NHSL3: variants seen among roughly 807,000 people sequenced by gnomAD.
The protein encoded by NHSL3 is NHS like 3.
At chr1:32,765,820 G>C in the NHSL3 span, 1 of 1,545,586 alleles carries the variant, frequency 6.5e-7, no homozygotes, top group South Asian at 1.2e-5. Flanking sequence ...GGCTGTTTAA[G>C]AAGAAGGGTG....
At chr1:32,771,643 G>T in the NHSL3 span, 2 of 1,612,666 alleles carry the variant, frequency 1.2e-6, no homozygotes, top group Non-Finnish European at 1.7e-6. Flanking sequence ...GTCCTCCTCA[G>T]CTACTGCTTT....
At chr1:32,747,871 C>A in the NHSL3 span, among the ~76,000 whole-genome samples, 1 of 151,934 alleles carries the variant, frequency 6.6e-6, no homozygotes, top group Non-Finnish European at 1.5e-5. Context: ...CTTTCGGGGG[C>A]CAAGGCGGGA....
the NHSL3 span, among the ~76,000 whole-genome samples, chr1:32,759,312 C>A: frequency 7.2e-5 from 11 of 152,206 alleles, no homozygotes; most frequent in East Asian, 1.9e-3. Context: ...CCAGCTCTTT[C>A]TTCTCCTTAC....
chr1:32,774,483 T>C, the NHSL3 span: 1 of 152,218 alleles, frequency 6.6e-6, no homozygotes, highest in Admixed American at 6.5e-5. Context: ...AAGAGGATAA[T>C]CAGTGAGCAC....
chr1:32,771,528 C>T, the NHSL3 span: 1 of 1,601,420 alleles, frequency 6.2e-7, no homozygotes, highest in Non-Finnish European at 8.5e-7. Context: ...AGGACCTGTC[C>T]ATGGCTGACT....
At chr1:32,743,128 G>A in the NHSL3 span, among the ~76,000 whole-genome samples, 107 of 152,300 alleles carry the variant, frequency 7.0e-4, no homozygotes, top group Middle Eastern at 3.4e-3. Context: ...GAGGGCTTGA[G>A]TCTTTGCAAG....
the NHSL3 span, chr1:32,742,309 G>C: frequency 1.0e-6 from 1 of 999,488 alleles, no homozygotes; most frequent in African/African-American, 1.7e-5. Context: ...GCTGGTGCTG[G>C]AAAGCGAAGA....
At chr1:32,763,373 C>T in the NHSL3 span, among the ~76,000 whole-genome samples, 22 of 152,088 alleles carry the variant, frequency 1.4e-4, 1 homozygote, top group Admixed American at 1.2e-3. Context: ...CCTCTGATTC[C>T]GTCTCCTACC....
At chr1:32,763,899 C>T in the NHSL3 span, among the ~76,000 whole-genome samples, 1 of 150,862 alleles carries the variant, frequency 6.6e-6, no homozygotes, top group Non-Finnish European at 1.5e-5. Flanking sequence ...AGATGCCTGT[C>T]ACTCAGGCGG....
chr1:32,753,805 ACTGGCCAGGC>A, the NHSL3 span, among the ~76,000 whole-genome samples: 2 of 152,278 alleles, frequency 1.3e-5, no homozygotes, highest in South Asian at 4.1e-4. Flanking sequence ...CCCCACCTGG[ACTGGCCAGGC>A]CTTCCCCTGT....
At chr1:32,760,493 C>T in the NHSL3 span, among the ~76,000 whole-genome samples, 1 of 152,132 alleles carries the variant, frequency 6.6e-6, no homozygotes, top group African/African-American at 2.4e-5. Context: ...ACACACAGCC[C>T]CTTGGCAGGC....
chr1:32,744,162 G>A, the NHSL3 span, among the ~76,000 whole-genome samples: 3 of 152,134 alleles, frequency 2.0e-5, no homozygotes, highest in Non-Finnish European at 4.4e-5. Flanking sequence ...TTCCTGGGAG[G>A]TCAGGGATCT....
chr1:32,742,802 G>A, the NHSL3 span, among the ~76,000 whole-genome samples: 16 of 152,304 alleles, frequency 1.1e-4, no homozygotes, highest in African/African-American at 3.8e-4. Flanking sequence ...GCTCACCAAG[G>A]TGAACCAACC....
chr1:32,764,151 A>T, the NHSL3 span, among the ~76,000 whole-genome samples: 2 of 152,066 alleles, frequency 1.3e-5, no homozygotes, highest in Middle Eastern at 3.2e-3. Context: ...GTGAACCACC[A>T]TGCCCAGCCT....
chr1:32,751,366 A>T, the NHSL3 span, among the ~76,000 whole-genome samples: 1 of 152,168 alleles, frequency 6.6e-6, no homozygotes, highest in Non-Finnish European at 1.5e-5. Context: ...ACTACAGCTA[A>T]TCTACAAGCC....
chr1:32,756,780 C>T, the NHSL3 span, among the ~76,000 whole-genome samples: 1 of 151,856 alleles, frequency 6.6e-6, no homozygotes, highest in Non-Finnish European at 1.5e-5. Flanking sequence ...ACCAGCCCAG[C>T]CAACATGGTG....
At chr1:32,749,505 T>C in the NHSL3 span, among the ~76,000 whole-genome samples, 1 of 152,062 alleles carries the variant, frequency 6.6e-6, no homozygotes, top group African/African-American at 2.4e-5. Flanking sequence ...TACATACAGA[T>C]GGGGCAGCTG....
At chr1:32,766,707 A>G in the NHSL3 span, among the ~76,000 whole-genome samples, 624 of 152,276 alleles carry the variant, frequency 4.1e-3, 6 homozygotes, top group African/African-American at 0.014. Flanking sequence ...CCGTCCCTTT[A>G]TAAGGTGTTA....
At chr1:32,770,350 C>T in the NHSL3 span, 8 of 1,611,018 alleles carry the variant, frequency 5.0e-6, no homozygotes, top group African/African-American at 1.3e-5. The surrounding 1 kb of genome is among the most constrained non-coding windows in gnomAD (Gnocchi z 8.3). Context: ...AGCCTCAGTC[C>T]GCTCGCTGGG....
Sources: gnomAD v4.1 joint callset for allele counts (sites outside exome capture counted in the v4.1 genomes callset) on GRCh38, gnomAD v4.1.1 for gene constraint, Gnocchi (gnomAD v3.1) non-coding constraint, MANE v1.5 for transcripts, NCBI Gene and HGNC (gene_info 2026-07-23, HGNC 2026-07-21) for gene names.